Variants in CFAP44 observed in about 807,000 individuals in gnomAD.
CFAP44 encodes the protein cilia- and flagella-associated protein 44.
A neutral mutation model predicts 216.2 loss-of-function variants in CFAP44; 134 were observed. The ratio of observed to expected loss-of-function variants is 0.62; its 90% confidence interval spans 0.54 to 0.72. CFAP44 has a LOEUF of 0.72. CFAP44 is among the 30% of genes least tolerant of loss of function. The pLI is 0.00. For synonymous variants in CFAP44, 700 were observed against 727.6 expected, an observed-to-expected ratio of 0.96 and a Z score of 0.61; for missense variants, 2,035 against 2,182.1, an observed-to-expected ratio of 0.93 and a Z score of 1.34.
intron 26 of CFAP44, among the ~76,000 whole-genome samples, chr3:113,329,170 A>G (rs777572227): frequency 6.6e-6 from 1 of 152,188 alleles, no homozygotes; most frequent in East Asian, 1.9e-4. Context: ...ACTAATACCC[A>G]TGAAACAGCA....
intron 25 of CFAP44, among the ~76,000 whole-genome samples, chr3:113,331,744 T>C (rs1950243024): frequency 6.6e-6 from 1 of 152,080 alleles, no homozygotes; most frequent in Non-Finnish European, 1.5e-5. Flanking sequence ...CAACTCTTTC[T>C]TTCTAGTTTT....
At chr3:113,433,856 C>T in intron 1 of CFAP44, 187 bp from the exon 2 acceptor site, 2 of 441,164 alleles carry the variant, frequency 4.5e-6, no homozygotes, top group Admixed American at 3.5e-5. Context: ...CTCTGCAAGA[C>T]AGCTAATTAT....
rs1381630363 is a variant in CFAP44, at chr3:113,308,197, A to G, written c.4588T>C (p.Ser1530Pro). Reference protein sequence around the residue: ...SLESDEDESESEDEVFDDSIC... With the variant: ...SLESDEDESEPEDEVFDDSIC... ...GAATCATCAAAAACCTCATCTTCTGATTCAGACTCATCTTCATCACTCTCC... is the reference window on the plus strand; with the variant it reads ...GAATCATCAAAAACCTCATCTTCTGGTTCAGACTCATCTTCATCACTCTCC... The change falls in exon 29 of 35, where the codon TCA becomes CCA. Residue 1530 changes from serine (S) to proline (P), a missense_variant. Ser to Pro is a moderately conservative substitution (Grantham distance 74). Around this residue, in one of 3 missense-constraint regions of CFAP44, gnomAD observed 1,883 missense variants for 2,023.7 expected, o/e 0.93. Coordinates refer to ENST00000393845, the MANE Select transcript of CFAP44 (RefSeq NM_001164496.2). The G allele has an allele frequency of 1.3e-6, 2 of 1,536,368 alleles. No individual in the cohort carries two copies. Among genetic ancestry groups the G allele is most frequent in the Admixed American group, 3.9e-5 (2 of 50,762 alleles).
rs1345072843 is a variant in CFAP44, at chr3:113,305,205, C to G, written c.4759-53G>C. ...GTGACAAGACTCAATAAACATACAT[C>G]TAAAGATGGTGAATGAAGGCATCTT... On this transcript the variant is annotated intron_variant, in intron 30 of 34. Transcript: ENST00000393845. The G allele has an allele frequency of 6.2e-6, 9 of 1,443,756 alleles. No homozygotes were observed. In the African/African-American group the frequency reaches 7.0e-5, roughly 11 times the overall value. 89.4% of individuals were successfully genotyped at this position (1,443,756 alleles called of 1,614,324 possible). A position where few individuals can be genotyped will look rare whatever the true frequency, so the allele number is the denominator to read the frequency against.
At chr3:113,341,640 G>T in intron 24 of CFAP44, 104 bp downstream of exon 24, 6 of 1,208,018 alleles carry the variant, frequency 5.0e-6, no homozygotes, top group South Asian at 2.2e-5. Flanking sequence ...TTTCACTTTT[G>T]ATTTTAAATG....
chr3:113,417,617 G>C (rs2107388233), intron 5 of CFAP44, among the ~76,000 whole-genome samples: 1 of 152,214 alleles, frequency 6.6e-6, no homozygotes, highest in East Asian at 1.9e-4. Context: ...TGCTAATCCT[G>C]GTACCCAAGA....
At chr3:113,441,388 C>A (rs1217836699) in intron 1 of CFAP44, 65 bp downstream of exon 1, 2 of 985,582 alleles carry the variant, frequency 2.0e-6, no homozygotes, top group Non-Finnish European at 2.4e-6. Flanking sequence ...GGGTTCACTG[C>A]CCTCTGAGCC....
intron 6 of CFAP44, among the ~76,000 whole-genome samples, chr3:113,413,413 C>T (rs757939665): frequency 6.6e-6 from 1 of 152,194 alleles, no homozygotes; most frequent in Non-Finnish European, 1.5e-5. Flanking sequence ...GTTGCAATTG[C>T]TTTTGGCTTT....
intron 6 of CFAP44, among the ~76,000 whole-genome samples, chr3:113,414,095 C>T (rs1934573715): frequency 6.6e-6 from 1 of 152,090 alleles, no homozygotes; most frequent in Non-Finnish European, 1.5e-5. Flanking sequence ...AGTTGTATTC[C>T]TAGGTATTTT....
intron 4 of CFAP44, 27 bp from the exon 5 acceptor site, chr3:113,420,206 A>G (rs1409437193): frequency 6.3e-7 from 1 of 1,597,016 alleles, no homozygotes. Flanking sequence ...AAGGAAAAGA[A>G]GTGAAAAACA....
At chr3:113,331,411 A>G (rs1055779620) in intron 25 of CFAP44, among the ~76,000 whole-genome samples, 3 of 152,102 alleles carry the variant, frequency 2.0e-5, no homozygotes, top group African/African-American at 7.2e-5. Context: ...TTAGGCTACT[A>G]GATTGTCCAA....
intron 15 of CFAP44, among the ~76,000 whole-genome samples, chr3:113,387,623 T>C (rs1324152754): frequency 6.6e-6 from 1 of 151,934 alleles, no homozygotes; most frequent in African/African-American, 2.4e-5. Flanking sequence ...TTCCCAACTG[T>C]GGTGGCTATG....
chr3:113,340,959 G>A, intron 24 of CFAP44, among the ~76,000 whole-genome samples: 1 of 152,214 alleles, frequency 6.6e-6, no homozygotes, highest in East Asian at 1.9e-4. Flanking sequence ...GGCAGCCCCA[G>A]CCCGACTGTC....
intron 24 of CFAP44, among the ~76,000 whole-genome samples, chr3:113,339,024 T>C (rs1950306949): frequency 6.6e-6 from 1 of 152,194 alleles, no homozygotes; most frequent in Non-Finnish European, 1.5e-5. Flanking sequence ...TCCTACACTG[T>C]TGGCAAAAGT....
chr3:113,315,843 C>G (rs1475215088), intron 28 of CFAP44, among the ~76,000 whole-genome samples: 3 of 151,980 alleles, frequency 2.0e-5, no homozygotes, highest in Admixed American at 6.5e-5. Context: ...TCCAGGCTAA[C>G]ATAAGTGTTC....
intron 13 of CFAP44, 76 bp downstream of exon 13, chr3:113,399,830 T>C: frequency 3.0e-6 from 3 of 984,990 alleles, no homozygotes; most frequent in Non-Finnish European, 4.3e-6. Flanking sequence ...AGCAAATATC[T>C]ATATTTCCAG....
At chr3:113,303,453 A>G (rs1327251226) in intron 32 of CFAP44, among the ~76,000 whole-genome samples, 1 of 152,204 alleles carries the variant, frequency 6.6e-6, no homozygotes, top group African/African-American at 2.4e-5. Context: ...GTGAACCACA[A>G]AATGATATAA....
In CFAP44 at chr3:113,409,075, T is replaced by C. The variant is rs758073656; in HGVS notation, c.890+31A>G. 6.3e-6 allele frequency: 9 copies of C among 1,418,358 alleles called. No homozygotes were observed. The African/African-American group carries it at 8.6e-5, about 14-fold the overall frequency. The allele number at this position is 1,418,358 out of a possible 1,614,324, so 87.9% of individuals were successfully genotyped here. A position where few individuals can be genotyped will look rare whatever the true frequency, so the allele number is the denominator to read the frequency against. On this transcript the variant is annotated intron_variant, in intron 7 of 34. Coordinates refer to ENST00000393845, the MANE Select transcript of CFAP44 (RefSeq NM_001164496.2). The stretch of plus-strand genomic sequence containing the variant: ...CTTAGAAAAATACTCCTGTGATATC[T>C]ACTGGCACCTCTATTGGTTACCCAA...
chr3:113,348,200 G>A (rs1372722314), intron 22 of CFAP44, among the ~76,000 whole-genome samples: 1 of 152,038 alleles, frequency 6.6e-6, no homozygotes, highest in South Asian at 2.1e-4. Context: ...TTCTTGGGTC[G>A]GGGGGAAGTA....
Sources: allele counts gnomAD v4.1 joint callset (sites outside exome capture counted in the v4.1 genomes callset), GRCh38; gene constraint gnomAD v4.1.1; regional missense constraint gnomAD v4.1.1; transcripts MANE v1.5; gene names NCBI Gene and HGNC (gene_info 2026-07-23, HGNC 2026-07-21).